DTNA: variants seen among roughly 807,000 people sequenced by gnomAD.
The protein encoded by DTNA is dystrobrevin alpha.
In DTNA, 43 loss-of-function variants were observed where a neutral mutation model predicts 100.7. The observed-to-expected ratio is 0.43, with a 90% CI of 0.33 to 0.55. The LOEUF is 0.55. Ranked by LOEUF, DTNA falls within the 20% of genes least tolerant of loss-of-function variation. The pLI is 0.04. For synonymous variants in DTNA, 349 were observed against 347.9 expected, an observed-to-expected ratio of 1.00 and a Z score of -0.04; for missense variants, 798 against 953.9, an observed-to-expected ratio of 0.84 and a Z score of 2.15.
chr18:34,881,818 G>A (rs2150401759), intron 20 of DTNA, among the ~76,000 whole-genome samples: 1 of 151,630 alleles, frequency 6.6e-6, no homozygotes, highest in South Asian at 2.1e-4. Flanking sequence ...GTAAACCCTA[G>A]GAAAAGATAA....
At chr18:34,827,808 A>G (rs1302466223) in intron 10 of DTNA, 132 bp downstream of exon 10, 10 of 934,962 alleles carry the variant, frequency 1.1e-5, no homozygotes, top group South Asian at 4.3e-5. Context: ...AATATCCATT[A>G]TAAGTTTTCA....
intron 1 of DTNA, among the ~76,000 whole-genome samples, chr18:34,663,818 A>T (rs1238287069): frequency 6.6e-6 from 1 of 152,184 alleles, no homozygotes; most frequent in African/African-American, 2.4e-5. Context: ...ACCTTTCTTG[A>T]TGAGACTCGT....
chr18:34,812,141 A>T (rs1255359405), intron 6 of DTNA, 28 bp downstream of exon 6: 2 of 1,613,632 alleles, frequency 1.2e-6, no homozygotes, highest in Admixed American at 3.3e-5. Context: ...TTAAGGAAGT[A>T]TCTCTTTCAA....
chr18:34,520,455 C>T (rs1211518756), intron 1 of DTNA, among the ~76,000 whole-genome samples: 1 of 152,046 alleles, frequency 6.6e-6, no homozygotes, highest in African/African-American at 2.4e-5. Flanking sequence ...AGTTCGAGAC[C>T]AGCCTGGCTA....
chr18:34,538,083 T>C (rs1408096268), intron 1 of DTNA, among the ~76,000 whole-genome samples: 1 of 152,084 alleles, frequency 6.6e-6, no homozygotes, highest in Non-Finnish European at 1.5e-5. Context: ...TCTGATTAAG[T>C]AGCTCTATGC....
rs186245345 is a variant in DTNA at position 34,523,914 on chromosome 18, C to T, written c.-2+30400C>T. ...AGACTTAAGGGAAACTCTTATGTTT[C>T]AAGTGTCTTGGACATTGATGGAAAT... On this transcript the variant is annotated intron_variant, in intron 1 of 19. Transcript: ENST00000283365. Among the ~76,000 whole-genome samples, 11 of 152,216 alleles carry T rather than the reference C, an allele frequency of 7.2e-5. No individual in the cohort carries two copies. In the East Asian group the frequency reaches 2.1e-3, roughly 29 times the overall value.
chr18:34,883,152 G>A (rs1399870832), intron 21 of DTNA, among the ~76,000 whole-genome samples: 2 of 152,168 alleles, frequency 1.3e-5, no homozygotes, highest in South Asian at 2.1e-4. Flanking sequence ...TTCCTGGTAT[G>A]TTCCTTTTCC....
chr18:34,597,611 T>C (rs1367406885), intron 1 of DTNA, among the ~76,000 whole-genome samples: 2 of 152,214 alleles, frequency 1.3e-5, no homozygotes. Context: ...GTGTCCTTAG[T>C]ATGTCTTAAA....
At chr18:34,826,396 C>T (rs1394300151) in intron 9 of DTNA, among the ~76,000 whole-genome samples, 2 of 151,964 alleles carry the variant, frequency 1.3e-5, no homozygotes, top group African/African-American at 4.8e-5. Flanking sequence ...TATTCTAAGT[C>T]TCAATGAATT....
At chr18:34,722,972 C>T (rs902415287) in intron 1 of DTNA, among the ~76,000 whole-genome samples, 8 of 151,948 alleles carry the variant, frequency 5.3e-5, no homozygotes, top group Non-Finnish European at 8.8e-5. Context: ...TTGACTATTA[C>T]GAATAAAGCT....
At chr18:34,756,184 T>A in intron 2 of DTNA, 141 bp downstream of exon 2, 1 of 915,392 alleles carries the variant, frequency 1.1e-6, no homozygotes, top group Non-Finnish European at 1.7e-6. Context: ...CATTTTGGCC[T>A]TTTTTACTTC....
chr18:34,744,034 G>A (rs879734054), intron 1 of DTNA, among the ~76,000 whole-genome samples: 9 of 152,174 alleles, frequency 5.9e-5, no homozygotes, highest in African/African-American at 1.9e-4. Flanking sequence ...TTTTCCCAGC[G>A]AATCAAAATT....
intron 1 of DTNA, among the ~76,000 whole-genome samples, chr18:34,631,999 T>A (rs1254539874): frequency 6.6e-6 from 1 of 152,210 alleles, no homozygotes; most frequent in Non-Finnish European, 1.5e-5. Flanking sequence ...GACTTCATTT[T>A]AAAAAATTAT....
intron 1 of DTNA, among the ~76,000 whole-genome samples, chr18:34,671,070 C>G (rs1464416919): frequency 1.3e-5 from 2 of 152,140 alleles, no homozygotes; most frequent in Non-Finnish European, 2.9e-5. Context: ...TGGGCTCCAC[C>G]CAGTTCAAGC....
Position 34,792,885 on chromosome 18 carries a change from A to G in DTNA, c.149-1152A>G, listed in dbSNP as rs190345032. ...AGAGAAATGGAAGCCACATATCTAT[A>G]CAAAGACTTGTACGTGATTGTTCAT... On this transcript the variant is annotated intron_variant, in intron 3 of 22. Coordinates refer to ENST00000444659, the MANE Select transcript of DTNA (RefSeq NM_001386795.1). Among the ~76,000 whole-genome samples the G allele has an allele frequency of 6.8e-4, 103 of 152,324 alleles. 1 individual carries two copies. Among genetic ancestry groups the G allele is most frequent in the African/African-American group, 2.4e-3 (99 of 41,584 alleles).
At chr18:34,562,499 G>A (rs189569587) in intron 1 of DTNA, among the ~76,000 whole-genome samples, 140 of 152,278 alleles carry the variant, frequency 9.2e-4, no homozygotes, top group African/African-American at 3.1e-3. Flanking sequence ...ACCGGAAGTG[G>A]CATCTCCTTC....
At chr18:34,849,777 G>A (rs2096448093) in intron 14 of DTNA, among the ~76,000 whole-genome samples, 2 of 152,328 alleles carry the variant, frequency 1.3e-5, no homozygotes, top group South Asian at 4.1e-4. Context: ...CTGACAGCAG[G>A]CAGCTGGAGT....
chr18:34,633,857 C>A (rs1452443211), intron 1 of DTNA, among the ~76,000 whole-genome samples: 1 of 152,154 alleles, frequency 6.6e-6, no homozygotes, highest in Non-Finnish European at 1.5e-5. Context: ...AAACTTCAAT[C>A]AACTGTTTGG....
At chr18:34,669,332 G>C (rs2051031464) in intron 1 of DTNA, among the ~76,000 whole-genome samples, 1 of 152,122 alleles carries the variant, frequency 6.6e-6, no homozygotes, top group African/African-American at 2.4e-5. Flanking sequence ...CTGCACGTGA[G>C]ATGGGTTTCC....
Sources: gnomAD v4.1 joint callset for allele counts (sites outside exome capture counted in the v4.1 genomes callset) on GRCh38, gnomAD v4.1.1 for gene constraint, MANE v1.5 for transcripts, NCBI Gene and HGNC (gene_info 2026-07-23, HGNC 2026-07-21) for gene names.